The following SV2C variants were observed in gnomAD, a reference collection of about 807,000 sequenced individuals.
The protein encoded by SV2C is solute carrier family 22 member B3.
A neutral mutation model predicts 79.7 loss-of-function variants in SV2C; 49 were observed. The ratio of observed to expected loss-of-function variants is 0.61; its 90% CI spans 0.49 to 0.78. The LOEUF is 0.78. Ranked by LOEUF, SV2C falls within the 30% of genes least tolerant of loss-of-function variation. SV2C has a pLI of 0.00. For missense variants in SV2C, 833 were observed against 912.9 expected (o/e 0.91, Z 1.13); for synonymous variants, 334 against 333.2 (o/e 1.00, Z -0.03).
At chr5:76,338,641 C>A (rs1275977219), downstream of SV2C, among the ~76,000 whole-genome samples, 1 of 121,080 alleles carries the variant, frequency 8.3e-6, no homozygotes, top group East Asian at 2.1e-4. Flanking sequence ...ATAGTATTTT[C>A]TTTTTCTTTT....
At chr5:75,944,971 C>T in the SV2C span, among the ~76,000 whole-genome samples, 1 of 151,904 alleles carries the variant, frequency 6.6e-6, no homozygotes, top group East Asian at 1.9e-4. Context: ...AGAATCAAAA[C>T]ATCTGACCAA....
intron 2 of SV2C, among the ~76,000 whole-genome samples, chr5:76,154,105 A>G (rs1033450599): frequency 6.6e-6 from 1 of 152,178 alleles, no homozygotes; most frequent in Non-Finnish European, 1.5e-5. Context: ...GTGACAATGT[A>G]CAAAAAGCAT....
chr5:76,077,464 T>A, the SV2C span, among the ~76,000 whole-genome samples: 6 of 152,188 alleles, frequency 3.9e-5, no homozygotes, highest in African/African-American at 4.8e-5. Context: ...AACTAATTTT[T>A]AAAAACATAA....
At position 76,192,529 on chromosome 5, in the gene SV2C, G is replaced by A. The variant is rs192401467; in HGVS notation, c.581-2390G>A. On this transcript the variant is annotated intron_variant, in intron 2 of 12. Transcript: ENST00000502798. ...TGCTCTGAGTTTTCAAGGACTCCCC[G>A]TTATAACACTGTGAATATAGAAAGG... is the stretch of plus-strand genomic sequence containing the variant. Among the ~76,000 whole-genome samples the A allele has an allele frequency of 4.5e-4, 69 of 152,290 alleles. No individual in the cohort carries two copies. The Middle Eastern group carries it at 0.01, about 23-fold the overall frequency.
the SV2C span, among the ~76,000 whole-genome samples, chr5:75,889,057 TAA>T: frequency 4.6e-5 from 7 of 152,096 alleles, no homozygotes; most frequent in South Asian, 2.1e-4. Context: ...CAAGTTATAT[TAA>T]GTTAGTTCCA....
At chr5:75,960,361 A>T in the SV2C span, among the ~76,000 whole-genome samples, 1 of 152,006 alleles carries the variant, frequency 6.6e-6, no homozygotes, top group African/African-American at 2.4e-5. Context: ...TGGATCACTT[A>T]TACAGTGGTG....
chr5:76,343,520 C>G (rs987195480), intron 12 of SV2C, among the ~76,000 whole-genome samples: 2 of 152,150 alleles, frequency 1.3e-5, no homozygotes, highest in African/African-American at 2.4e-5. Flanking sequence ...TAAAATGCCA[C>G]TAGAGACTCC....
the SV2C span, among the ~76,000 whole-genome samples, chr5:75,927,145 C>G: frequency 6.6e-6 from 1 of 151,966 alleles, no homozygotes; most frequent in African/African-American, 2.4e-5. Flanking sequence ...GCTATGGATC[C>G]TATAGATTGA....
the SV2C span, among the ~76,000 whole-genome samples, chr5:75,893,134 G>T: frequency 9.9e-5 from 15 of 152,100 alleles, no homozygotes; most frequent in African/African-American, 1.7e-4. Flanking sequence ...GTGTAAGATG[G>T]TATCTCATTG....
chr5:75,851,288 G>C, the SV2C span, among the ~76,000 whole-genome samples: 1 of 152,304 alleles, frequency 6.6e-6, no homozygotes, highest in South Asian at 2.1e-4. Context: ...TGTTCTGCTA[G>C]TAAGTACAGT....
Position 76,131,874 on chromosome 5 carries a change from A to C in SV2C, c.124A>C (p.Thr42Pro), listed in dbSNP as rs749966669. The change falls in exon 2 of 13, where the codon ACC (threonine) becomes CCC (proline). Residue 42 changes from threonine (T) to proline (P), a missense_variant. Transcript: ENST00000502798. ...TGTGGACCGAGCCCAGGATGAATAC[A>C]CCCAGAGGTCCTACAGTCGGTTCCA... The part of the protein sequence containing the change: ...QAVDRAQDEY[T>P]QRSYSRFQDE... The C allele has an allele frequency of 1.9e-6, 3 of 1,614,002 alleles. No individual in the cohort carries two copies. The highest frequency in any genetic ancestry group is 2.5e-6 in the Non-Finnish European group (3 of 1,180,028).
At chr5:76,123,690 A>T (rs1481741239) in intron 1 of SV2C, among the ~76,000 whole-genome samples, 1 of 152,142 alleles carries the variant, frequency 6.6e-6, no homozygotes, top group Non-Finnish European at 1.5e-5. Flanking sequence ...GTCAAATAAC[A>T]TTTCTATTGT....
At chr5:76,338,921 G>T (rs970067065), downstream of SV2C, among the ~76,000 whole-genome samples, 1 of 152,006 alleles carries the variant, frequency 6.6e-6, no homozygotes, top group Non-Finnish European at 1.5e-5. Context: ...CCTCCCAAGT[G>T]CTGAGATGAC....
chr5:76,060,452 G>A, the SV2C span, among the ~76,000 whole-genome samples: 1 of 152,100 alleles, frequency 6.6e-6, no homozygotes, highest in South Asian at 2.1e-4. Flanking sequence ...TTGTGTAAGT[G>A]CAGCGTCATC....
chr5:75,963,067 G>C, the SV2C span, among the ~76,000 whole-genome samples: 1 of 152,078 alleles, frequency 6.6e-6, no homozygotes, highest in Admixed American at 6.6e-5. Context: ...GTGGAGACTT[G>C]AGGAAAGGCA....
At chr5:76,173,575 G>A in intron 2 of SV2C, 3 of 1,547,540 alleles carry the variant, frequency 1.9e-6, no homozygotes, top group Non-Finnish European at 2.7e-6. Flanking sequence ...TGGCACTGTT[G>A]AATTGGGCAA....
At chr5:76,022,961 G>A in the SV2C span, among the ~76,000 whole-genome samples, 2 of 152,154 alleles carry the variant, frequency 1.3e-5, no homozygotes, top group African/African-American at 4.8e-5. Flanking sequence ...CAAGCCACCT[G>A]TCCCAATTTA....
At chr5:76,250,295 C>T (rs574659148) in intron 4 of SV2C, among the ~76,000 whole-genome samples, 1 of 152,082 alleles carries the variant, frequency 6.6e-6, no homozygotes, top group Admixed American at 6.5e-5. Context: ...ATTTTTGTTT[C>T]CTACATGTGT....
the SV2C span, among the ~76,000 whole-genome samples, chr5:75,871,955 C>A: frequency 4.1e-5 from 6 of 146,816 alleles, no homozygotes; most frequent in Non-Finnish European, 9.0e-5. Context: ...ATGTGCCATG[C>A]TAGTACACAC....
Sources: gnomAD v4.1 joint callset for allele counts (sites outside exome capture counted in the v4.1 genomes callset) on GRCh38, gnomAD v4.1.1 for gene constraint, MANE v1.5 for transcripts, NCBI Gene and HGNC (gene_info 2026-07-23, HGNC 2026-07-21) for gene names.